PCDHA3: variants seen among roughly 807,000 people sequenced by gnomAD.
PCDHA3 encodes protocadherin alpha 3.
PCDHA3 carries 41 observed loss-of-function variants against 62.2 expected under a neutral mutation model. The ratio of observed to expected loss-of-function variants is 0.66; its 90% CI spans 0.51 to 0.86. PCDHA3 has a LOEUF of 0.86. Ranked by LOEUF, PCDHA3 falls within the 40% of genes least tolerant of loss-of-function variation. PCDHA3 has a pLI of 0.00. For missense variants in PCDHA3, 1,304 were observed against 1,241.2 expected (o/e 1.05, Z -0.76); for synonymous variants, 640 against 555.4 (o/e 1.15, Z -2.14).
chr5:140,839,415 G>A (rs1374015208), intron 1 of PCDHA3, among the ~76,000 whole-genome samples: 2 of 151,792 alleles, frequency 1.3e-5, no homozygotes, highest in African/African-American at 4.8e-5. Context: ...TTTGAGACAG[G>A]GTCTCACTCT....
chr5:140,848,354 C>G (rs1427419086), intron 1 of PCDHA3: 1 of 1,023,830 alleles, frequency 9.8e-7, no homozygotes, highest in African/African-American at 1.6e-5. Flanking sequence ...AGCCCTTTTC[C>G]CATGGGAAAG....
chr5:140,876,899 C>T (rs781884794), intron 1 of PCDHA3: 2 of 1,614,092 alleles, frequency 1.2e-6, no homozygotes, highest in South Asian at 2.2e-5. Context: ...CACATCTTCA[C>T]GGTGTCGGCA....
intron 1 of PCDHA3, among the ~76,000 whole-genome samples, chr5:140,963,604 T>A (rs1379826259): frequency 6.6e-6 from 1 of 152,234 alleles, no homozygotes; most frequent in Non-Finnish European, 1.5e-5. Flanking sequence ...CTAGACGTAA[T>A]TGGGAAAGCT....
intron 1 of PCDHA3, chr5:140,968,662 C>CT (rs781816838): frequency 1.2e-6 from 2 of 1,614,158 alleles, no homozygotes; most frequent in South Asian, 2.2e-5. Context: ...ACCTGGACCT[C>CT]TTTAAGGTAG....
chr5:140,995,899 A>G (rs900121248), intron 3 of PCDHA3, among the ~76,000 whole-genome samples: 2 of 152,226 alleles, frequency 1.3e-5, no homozygotes, highest in Non-Finnish European at 2.9e-5. Context: ...ATCAATGTAT[A>G]AAAGAGGAGA....
rs952231570 is a variant in PCDHA3 at position 140,897,305 on chromosome 5, G to C, written c.2395-81644G>C. Among the ~76,000 whole-genome samples the C allele has an allele frequency of 1.9e-3, 284 of 150,706 alleles. 1 individual carries two copies. Among genetic ancestry groups the C allele is most frequent in the African/African-American group, 6.8e-3 (278 of 41,056 alleles). On this transcript the variant is annotated intron_variant, in intron 1 of 3. Coordinates refer to ENST00000522353, the MANE Select transcript of PCDHA3 (RefSeq NM_018906.3). ...CCATTAACTCGTCATTTAGCATTAG[G>C]TATATCTCCTAAAGCTATCCCTCCC...
At chr5:140,808,545 CG>C (rs1562217441) in intron 1 of PCDHA3, 1 of 1,614,116 alleles carries the variant, frequency 6.2e-7, no homozygotes, top group Admixed American at 1.7e-5. Flanking sequence ...GACAACGCTC[CG>C]GCGTTCGCGC....
At chr5:140,829,378 CG>C (rs2150166771) in intron 1 of PCDHA3, 1 of 1,614,062 alleles carries the variant, frequency 6.2e-7, no homozygotes, top group Non-Finnish European at 8.5e-7. Context: ...CCGCGCGGGA[CG>C]GGGGCTCGCC....
Position 140,876,841 on chromosome 5 carries a change from C to T in PCDHA3, c.2394+73250C>T, listed in dbSNP as rs782712356. ...GAACGACAATGCGCCTGCGTTCGCGCAGCCCGAGTACACAGTGTTCGTGAA... is the reference window on the plus strand; with the variant it reads ...GAACGACAATGCGCCTGCGTTCGCGTAGCCCGAGTACACAGTGTTCGTGAA... On this transcript the variant is annotated intron_variant, in intron 1 of 3. Transcript: ENST00000522353. 4.3e-6 allele frequency: 7 copies of T among 1,614,130 alleles called. No homozygotes were observed. In the South Asian group the frequency reaches 7.7e-5, roughly 18 times the overall value.
chr5:140,862,975 G>A (rs2047690621), intron 1 of PCDHA3: 2 of 544,994 alleles, frequency 3.7e-6, no homozygotes, highest in Middle Eastern at 3.0e-4. Context: ...CAGGCCACTT[G>A]GTGGCGAAGG....
At chr5:140,907,720 C>T (rs1554193113) in intron 1 of PCDHA3, among the ~76,000 whole-genome samples, 1 of 152,208 alleles carries the variant, frequency 6.6e-6, no homozygotes, top group Non-Finnish European at 1.5e-5. Context: ...CATGTGTAAC[C>T]TCCATCCCTG....
At position 141,011,145 on chromosome 5, in the gene PCDHA3, TCTC is replaced by T. The variant is rs1410974061; in HGVS notation, c.*1209_*1211del. The T allele has an allele frequency of 6.5e-6, 1 of 153,734 alleles. No individual in the cohort carries two copies. Among genetic ancestry groups the T allele is most frequent in the Non-Finnish European group, 1.5e-5 (1 of 68,036 alleles). 9.5% of individuals were successfully genotyped at this position (153,734 alleles called of 1,614,324 possible). A position where few individuals can be genotyped will look rare whatever the true frequency, so the allele number is the denominator to read the frequency against. On this transcript the variant is annotated 3_prime_UTR_variant, in exon 4 of 4. Transcript: ENST00000522353. Reference sequence around the variant, plus strand: ...TTATGTGCACTTTGATACACAACCTTCTCTAACCAACTATATATCAAGACCCAA... The same window carrying T: ...TTATGTGCACTTTGATACACAACCTTTAACCAACTATATATCAAGACCCAA...
At chr5:140,864,300 T>C (rs889692315) in intron 1 of PCDHA3, 9 of 152,214 alleles carry the variant, frequency 5.9e-5, no homozygotes, top group Non-Finnish European at 1.2e-4. Flanking sequence ...TATTCAAAAA[T>C]ACCATGACAA....
intron 1 of PCDHA3, among the ~76,000 whole-genome samples, chr5:140,938,996 A>C (rs1212565184): frequency 2.6e-5 from 4 of 152,206 alleles, no homozygotes; most frequent in Non-Finnish European, 4.4e-5. Context: ...TTATATAGTA[A>C]GTTAAGAAGT....
At chr5:140,821,649 T>G in intron 1 of PCDHA3, 1 of 1,086,066 alleles carries the variant, frequency 9.2e-7, no homozygotes, top group East Asian at 2.6e-5. Flanking sequence ...GAACCTTCCA[T>G]TTTTGGCTGT....
At chr5:140,929,051 G>A (rs1398009156) in intron 1 of PCDHA3, 2 of 1,614,170 alleles carry the variant, frequency 1.2e-6, no homozygotes, top group South Asian at 1.1e-5. Flanking sequence ...AGCTGCTGTC[G>A]CTCTACAGAG....
At chr5:140,872,418 A>G (rs2053650259) in intron 1 of PCDHA3, among the ~76,000 whole-genome samples, 2 of 152,014 alleles carry the variant, frequency 1.3e-5, no homozygotes, top group East Asian at 3.9e-4. Flanking sequence ...CTTGAGCCCA[A>G]GAGTTCGAGG....
intron 1 of PCDHA3, chr5:140,848,731 T>C: frequency 6.3e-7 from 1 of 1,592,772 alleles, no homozygotes; most frequent in Non-Finnish European, 8.6e-7. Context: ...GAGGTAAATC[T>C]GCAGAATGGC....
At chr5:140,942,445 A>G (rs1323056710) in intron 1 of PCDHA3, among the ~76,000 whole-genome samples, 5 of 152,016 alleles carry the variant, frequency 3.3e-5, no homozygotes, top group Non-Finnish European at 7.4e-5. Context: ...AAACAAGTAA[A>G]CTATCAATTA....
Sources: allele counts gnomAD v4.1 joint callset (sites outside exome capture counted in the v4.1 genomes callset), GRCh38; gene constraint gnomAD v4.1.1; transcripts MANE v1.5; gene names NCBI Gene and HGNC (gene_info 2026-07-23, HGNC 2026-07-21).